LYRM4: variants seen among roughly 807,000 people sequenced by gnomAD.
The protein encoded by LYRM4 is LYR motif containing 4, also known as LYR motif-containing protein 4.
LYRM4 carries 9 observed loss-of-function variants against 11.7 expected under a neutral mutation model. The ratio of observed to expected loss-of-function variants is 0.77; its 90% CI spans 0.46 to 1.34. The LOEUF is 1.34. Among genes scored for constraint, LYRM4 ranks in the 40% most tolerant of loss-of-function variants. LYRM4 has a pLI of 0.00. For synonymous variants in LYRM4, 42 were observed against 40.4 expected (o/e 1.04, Z -0.15); for missense variants, 133 against 112.5 (o/e 1.18, Z -0.82).
At chr6:5,062,206 T>G in the LYRM4 span, among the ~76,000 whole-genome samples, 1 of 147,766 alleles carries the variant, frequency 6.8e-6, no homozygotes, top group Non-Finnish European at 1.5e-5. Context: ...CATTTCAGTC[T>G]CCCAAGTAGC....
Position 5,223,577 on chromosome 6 carries a change from T to C in LYRM4, c.87-6839A>G, listed in dbSNP as rs571600626. On this transcript the variant is annotated intron_variant, in intron 1 of 2. Transcript: ENST00000330636. The stretch of plus-strand genomic sequence containing the variant: ...CCATTTGAACAGGCATTAAAAAAAA[T>C]TGTCTCTGGCATCACAAAGCTTAAA... Among the ~76,000 whole-genome samples the C allele has an allele frequency of 2.0e-5, 3 of 152,284 alleles. No homozygotes were observed. In the South Asian group the frequency reaches 6.2e-4, roughly 32 times the overall value.
At chr6:5,255,953 C>T (rs1349088883) in intron 1 of LYRM4, among the ~76,000 whole-genome samples, 1 of 152,048 alleles carries the variant, frequency 6.6e-6, no homozygotes, top group East Asian at 1.9e-4. Context: ...GATGATAATT[C>T]CACTTATCAA....
chr6:5,072,006 G>A, the LYRM4 span, among the ~76,000 whole-genome samples: 7 of 152,146 alleles, frequency 4.6e-5, no homozygotes, highest in South Asian at 2.1e-4. Context: ...CTGACCCAGC[G>A]TGTGTTTTTC....
the LYRM4 span, among the ~76,000 whole-genome samples, chr6:5,053,087 G>C: frequency 6.6e-6 from 1 of 152,208 alleles, no homozygotes; most frequent in African/African-American, 2.4e-5. Context: ...TGTAGTACTT[G>C]TTGTTTTGGA....
At chr6:5,085,757 C>A in the LYRM4 span, 1 of 1,537,182 alleles carries the variant, frequency 6.5e-7, no homozygotes, top group East Asian at 2.5e-5. Flanking sequence ...CCCGCCGACC[C>A]CATCTTGCAG....
the LYRM4 span, chr6:5,066,822 T>TCCGG: frequency 1.3e-6 from 1 of 773,654 alleles, no homozygotes; most frequent in East Asian, 2.5e-5. Context: ...GAAATCCGGA[T>TCCGG]CCGGCCACAG....
chr6:5,088,679 T>C, the LYRM4 span: 1 of 152,238 alleles, frequency 6.6e-6, no homozygotes, highest in East Asian at 1.9e-4. Flanking sequence ...AAACACAATA[T>C]GCTGACAATT....
intron 2 of LYRM4, among the ~76,000 whole-genome samples, chr6:5,149,722 T>C (rs184292397): frequency 1.7e-4 from 26 of 152,260 alleles, no homozygotes; most frequent in African/African-American, 5.5e-4. Context: ...TATGAGGTAA[T>C]AGAAAATCTG....
chr6:5,072,584 T>G, the LYRM4 span, among the ~76,000 whole-genome samples: 10 of 151,840 alleles, frequency 6.6e-5, no homozygotes, highest in East Asian at 1.9e-4. Context: ...AAGTTTTTTT[T>G]TTTTTTTTTT....
At chr6:5,132,989 C>T (rs1764025266) in intron 2 of LYRM4, 1 of 152,170 alleles carries the variant, frequency 6.6e-6, no homozygotes, top group African/African-American at 2.4e-5. Context: ...GACGGCAGCA[C>T]CAGCCACTGC....
downstream of LYRM4, among the ~76,000 whole-genome samples, chr6:5,099,365 C>A (rs1192411022): frequency 6.8e-6 from 1 of 147,848 alleles, no homozygotes; most frequent in Non-Finnish European, 1.5e-5. The surrounding 1 kb of genome is among the most constrained non-coding windows in gnomAD (Gnocchi z 4.3). Flanking sequence ...CCACCACACT[C>A]GGCTAATTAA....
At chr6:5,066,727 G>A in the LYRM4 span, 1 of 796,898 alleles carries the variant, frequency 1.3e-6, no homozygotes, top group Non-Finnish European at 2.2e-6. Context: ...CATACGATTT[G>A]CGCCAGGGTC....
intron 1 of LYRM4, among the ~76,000 whole-genome samples, chr6:5,217,869 A>G (rs910753308): frequency 3.9e-5 from 6 of 152,228 alleles, no homozygotes; most frequent in Non-Finnish European, 2.9e-5. Context: ...CATAAGACTA[A>G]GGAGAAGCAG....
the LYRM4 span, among the ~76,000 whole-genome samples, chr6:5,045,522 G>A: frequency 6.6e-6 from 1 of 152,186 alleles, no homozygotes; most frequent in Admixed American, 6.5e-5. Context: ...AGATGAAAAT[G>A]TTCTGGAAAC....
the LYRM4 span, chr6:5,085,625 C>T: frequency 2.5e-4 from 386 of 1,548,338 alleles, no homozygotes; most frequent in East Asian, 8.3e-3. Context: ...GCTTCGGAGA[C>T]CCCGAGTCCT....
chr6:5,234,581 G>C (rs116034806), intron 1 of LYRM4, among the ~76,000 whole-genome samples: 1 of 152,198 alleles, frequency 6.6e-6, no homozygotes, highest in Non-Finnish European at 1.5e-5. Flanking sequence ...AGGATGAATA[G>C]AATTTCACCA....
At chr6:5,168,785 C>T (rs986161973) in intron 2 of LYRM4, among the ~76,000 whole-genome samples, 10 of 152,010 alleles carry the variant, frequency 6.6e-5, no homozygotes, top group African/African-American at 2.2e-4. Context: ...TGGTTATGTA[C>T]GAGAACACGC....
In LYRM4 at chr6:5,188,491, G is replaced by A. The variant is rs1201765030; in HGVS notation, c.207+28127C>T. ...GGAGGATAAAAGAAGGGGATTATTG[G>A]TTGTGTTTTTGTTCCTCTTATTTTT... On this transcript the variant is annotated intron_variant, in intron 2 of 2. Transcript: ENST00000330636. Among the ~76,000 whole-genome samples, 3 of 152,290 alleles carry A rather than the reference G, an allele frequency of 2.0e-5. No homozygotes were observed. The East Asian group carries it at 5.8e-4, about 29-fold the overall frequency.
At chr6:5,047,313 T>C in the LYRM4 span, among the ~76,000 whole-genome samples, 1 of 152,240 alleles carries the variant, frequency 6.6e-6, no homozygotes, top group East Asian at 1.9e-4. Flanking sequence ...GCACTGAAGG[T>C]CCTGCACCCC....
Sources: gnomAD v4.1 joint callset for allele counts (sites outside exome capture counted in the v4.1 genomes callset) on GRCh38, gnomAD v4.1.1 for gene constraint, Gnocchi (gnomAD v3.1) non-coding constraint, MANE v1.5 for transcripts, NCBI Gene and HGNC (gene_info 2026-07-23, HGNC 2026-07-21) for gene names.